ADCY9: variants seen among roughly 807,000 people sequenced by gnomAD.
The protein encoded by ADCY9 is adenylate cyclase type 9.
ADCY9 carries 50 observed loss-of-function variants against 101.5 expected under a neutral mutation model. The ratio of observed to expected loss-of-function variants is 0.49; its 90% CI spans 0.39 to 0.62. The LOEUF (loss-of-function observed/expected upper bound fraction) is 0.62. ADCY9 is among the 20% of genes least tolerant of loss of function. The pLI is 0.00. For missense variants in ADCY9, 1,662 were observed against 1,800.4 expected, an observed-to-expected ratio of 0.92 and a Z score of 1.39; for synonymous variants, 905 against 769.3, an observed-to-expected ratio of 1.18 and a Z score of -2.92.
chr16:3,961,223 G>A (rs918952326), downstream of ADCY9, among the ~76,000 whole-genome samples: 6 of 152,092 alleles, frequency 3.9e-5, no homozygotes, highest in African/African-American at 2.4e-5. Context: ...TGAGGAGGAC[G>A]GATCACTTGA....
At chr16:3,981,372 G>A (rs538482275) in intron 7 of ADCY9, among the ~76,000 whole-genome samples, 5 of 152,292 alleles carry the variant, frequency 3.3e-5, no homozygotes, top group South Asian at 2.1e-4. Context: ...CCCTCAAGAC[G>A]CTACAGCTAC....
chr16:4,058,922 T>C (rs959412406), intron 2 of ADCY9, among the ~76,000 whole-genome samples: 3 of 152,134 alleles, frequency 2.0e-5, no homozygotes, highest in Non-Finnish European at 2.9e-5. Context: ...TAAGAGGATA[T>C]AATCAAAAAT....
At position 4,027,011 on chromosome 16, in the gene ADCY9, A is replaced by C. The variant is rs575225898; in HGVS notation, c.1694-19453T>G. Among the ~76,000 whole-genome samples the C allele has an allele frequency of 1.8e-4, 28 of 152,314 alleles. No homozygotes were observed. In the South Asian group the frequency reaches 5.2e-3, roughly 28 times the overall value. ...TCCCGCAACCAACCAGACTGGTCCC[A>C]GGCCAGGTCTTCAGGTGTAACGTTG... On this transcript the variant is annotated intron_variant, in intron 2 of 10. Transcript: ENST00000294016.
At chr16:4,058,060 G>A (rs779996042) in intron 2 of ADCY9, among the ~76,000 whole-genome samples, 2 of 151,802 alleles carry the variant, frequency 1.3e-5, no homozygotes, top group African/African-American at 2.4e-5. Context: ...TTGGGAGGTC[G>A]AGGCAGAAGA....
At chr16:3,961,411 G>A (rs1466157116), downstream of ADCY9, among the ~76,000 whole-genome samples, 1 of 151,222 alleles carries the variant, frequency 6.6e-6, no homozygotes, top group East Asian at 1.9e-4. Context: ...GATGGTCACT[G>A]CACTCCAGCC....
intron 2 of ADCY9, chr16:4,032,108 G>C (rs1032173005): frequency 9.2e-5 from 14 of 151,794 alleles, no homozygotes; most frequent in African/African-American, 2.7e-4. Flanking sequence ...GGCCAACATG[G>C]TGAAACCCCA....
intron 2 of ADCY9, among the ~76,000 whole-genome samples, chr16:4,087,956 G>A (rs1385537068): frequency 4.2e-5 from 6 of 143,158 alleles, no homozygotes; most frequent in Non-Finnish European, 7.5e-5. Flanking sequence ...GTTTTTTTGC[G>A]ACAGAGTCTC....
At chr16:4,006,497 C>T (rs1021129746) in intron 3 of ADCY9, among the ~76,000 whole-genome samples, 4 of 152,184 alleles carry the variant, frequency 2.6e-5, no homozygotes, top group African/African-American at 9.7e-5. Context: ...CCAATAGCGG[C>T]TTTCAAACCT....
chr16:4,010,564 A>C (rs1344536775), intron 2 of ADCY9, among the ~76,000 whole-genome samples: 1 of 152,220 alleles, frequency 6.6e-6, no homozygotes, highest in Non-Finnish European at 1.5e-5. Context: ...TGATGGGTGC[A>C]GGGACGATGT....
At chr16:4,111,850 AT>A (rs34476259) in intron 2 of ADCY9, among the ~76,000 whole-genome samples, 106 of 143,104 alleles carry the variant, frequency 7.4e-4, no homozygotes, top group African/African-American at 8.7e-4. Context: ...TCACTCTAGC[AT>A]TTTTTTTTTT....
chr16:4,043,314 C>T (rs531458798), intron 2 of ADCY9, among the ~76,000 whole-genome samples: 1 of 152,184 alleles, frequency 6.6e-6, no homozygotes, highest in South Asian at 2.1e-4. Flanking sequence ...AAACATAAAG[C>T]ATTATAACAA....
intron 5 of ADCY9, among the ~76,000 whole-genome samples, chr16:3,956,640 GC>G (rs1278688693): frequency 6.7e-6 from 1 of 148,750 alleles, no homozygotes; most frequent in Non-Finnish European, 1.5e-5. Context: ...ACAGGTGCAT[GC>G]CACCACACCT....
At chr16:4,102,001 C>T (rs184390253) in intron 2 of ADCY9, among the ~76,000 whole-genome samples, 1 of 152,116 alleles carries the variant, frequency 6.6e-6, no homozygotes, top group African/African-American at 2.4e-5. Flanking sequence ...CTTTTTATTA[C>T]GAGAAACTGA....
intron 3 of ADCY9, among the ~76,000 whole-genome samples, chr16:4,001,843 G>T (rs2056333591): frequency 6.6e-6 from 1 of 151,902 alleles, no homozygotes; most frequent in East Asian, 1.9e-4. Context: ...TCCGCCTCCA[G>T]GTTCAAGAGA....
At chr16:4,026,129 G>T (rs2056512964) in intron 2 of ADCY9, among the ~76,000 whole-genome samples, 2 of 152,134 alleles carry the variant, frequency 1.3e-5, no homozygotes, top group African/African-American at 4.8e-5. Context: ...AGCCCATTAT[G>T]AAACTAAAGT....
chr16:4,105,141 G>C (rs1427790394), intron 2 of ADCY9, among the ~76,000 whole-genome samples: 1 of 151,834 alleles, frequency 6.6e-6, no homozygotes, highest in East Asian at 1.9e-4. Context: ...ATGTATGGCA[G>C]TGCCACCCTT....
chr16:3,982,965 C>T (rs978767594), intron 7 of ADCY9: 1 of 531,656 alleles, frequency 1.9e-6, no homozygotes, highest in Non-Finnish European at 3.3e-6. Context: ...AGTCTCTGAA[C>T]CTGGAAATCT....
chr16:4,097,551 A>ATT (rs1385822000), intron 2 of ADCY9, among the ~76,000 whole-genome samples: 793 of 50,980 alleles, frequency 0.016, 21 homozygotes, highest in Middle Eastern at 0.033. Context: ...ATATATATAT[A>ATT]TATTTTTTTT....
chr16:3,999,700 G>A (rs930460735), intron 3 of ADCY9, among the ~76,000 whole-genome samples: 1 of 152,200 alleles, frequency 6.6e-6, no homozygotes, highest in Non-Finnish European at 1.5e-5. Flanking sequence ...CCTGGAGAAC[G>A]CCCAAGAGCA....
Sources: allele counts gnomAD v4.1 joint callset (sites outside exome capture counted in the v4.1 genomes callset), GRCh38; gene constraint gnomAD v4.1.1; transcripts MANE v1.5; gene names NCBI Gene and HGNC (gene_info 2026-07-23, HGNC 2026-07-21).